HS3ST2: variants seen among roughly 807,000 people sequenced by gnomAD.
HS3ST2 encodes the protein heparan sulfate-glucosamine 3-sulfotransferase 2.
A neutral mutation model predicts 26.3 loss-of-function variants in HS3ST2; 17 were observed. The ratio of observed to expected loss-of-function variants is 0.65; its 90% CI spans 0.44 to 0.97. The LOEUF (loss-of-function observed/expected upper bound fraction) is 0.97, where lower values mean the gene tolerates loss of function less well. HS3ST2 is among the 50% of genes least tolerant of loss of function. HS3ST2 has a pLI of 0.00. For synonymous variants in HS3ST2, 237 were observed against 219.2 expected (o/e 1.08, Z -0.72); for missense variants, 402 against 501.2 (o/e 0.80, Z 1.89).
intron 1 of HS3ST2, among the ~76,000 whole-genome samples, chr16:22,832,151 C>A (rs75685050): frequency 8.7e-6 from 1 of 115,476 alleles, no homozygotes; most frequent in Non-Finnish European, 1.8e-5. Flanking sequence ...CCCAGCTGAT[C>A]TTTTTTTTTT....
At chr16:22,823,329 T>C (rs1376888067) in intron 1 of HS3ST2, among the ~76,000 whole-genome samples, 2 of 152,190 alleles carry the variant, frequency 1.3e-5, no homozygotes, top group East Asian at 3.8e-4. Context: ...GAGATGTTTC[T>C]CCTTGATGTA....
At chr16:22,816,641 G>T (rs557963364) in intron 1 of HS3ST2, among the ~76,000 whole-genome samples, 7 of 152,302 alleles carry the variant, frequency 4.6e-5, no homozygotes, top group African/African-American at 1.4e-4. Flanking sequence ...TCATGCCAAT[G>T]CCAATAGCCC....
At chr16:22,837,499 G>GTA (rs1555512081) in intron 1 of HS3ST2, among the ~76,000 whole-genome samples, 4 of 144,540 alleles carry the variant, frequency 2.8e-5, no homozygotes, top group Admixed American at 1.4e-4. Flanking sequence ...GTGTGTGTGT[G>GTA]TATATATATG....
At chr16:22,886,975 C>G (rs1902068878) in intron 1 of HS3ST2, among the ~76,000 whole-genome samples, 1 of 152,200 alleles carries the variant, frequency 6.6e-6, no homozygotes, top group Non-Finnish European at 1.5e-5. Flanking sequence ...CAGTCTCAAA[C>G]TCCTGACCTC....
intron 1 of HS3ST2, among the ~76,000 whole-genome samples, chr16:22,846,279 A>AC (rs1293987425): frequency 3.3e-5 from 5 of 151,970 alleles, no homozygotes; most frequent in Admixed American, 2.6e-4. Context: ...TCGATTTAAA[A>AC]AAAAAAAAAA....
chr16:22,888,374 TTTTTTTTTTTTTTTTTTTC>T (rs979465185), intron 1 of HS3ST2, among the ~76,000 whole-genome samples: 5 of 49,716 alleles, frequency 1.0e-4, no homozygotes, highest in Admixed American at 2.1e-4. Flanking sequence ...CTGGCTTTTC[TTTTTTTTTTTTTTTTTTTC>T]TTTTTTTTTT....
At chr16:22,901,707 G>A (rs998842979) in intron 1 of HS3ST2, among the ~76,000 whole-genome samples, 5 of 152,078 alleles carry the variant, frequency 3.3e-5, no homozygotes, top group African/African-American at 7.2e-5. Context: ...CAACACCCAC[G>A]ATCACCGTTC....
At chr16:22,886,690 G>A (rs1418646219) in intron 1 of HS3ST2, among the ~76,000 whole-genome samples, 1 of 152,042 alleles carries the variant, frequency 6.6e-6, no homozygotes, top group Non-Finnish European at 1.5e-5. Context: ...CCAAAAGGGA[G>A]ACATTTACTC....
intron 1 of HS3ST2, among the ~76,000 whole-genome samples, chr16:22,895,162 C>A (rs1261154408): frequency 6.6e-6 from 1 of 151,368 alleles, no homozygotes; most frequent in Non-Finnish European, 1.5e-5. Context: ...TGATCTCAGC[C>A]CACTGCAACC....
At chr16:22,834,726 A>G (rs564338077) in intron 1 of HS3ST2, among the ~76,000 whole-genome samples, 1 of 131,656 alleles carries the variant, frequency 7.6e-6, no homozygotes, top group Non-Finnish European at 1.7e-5. Flanking sequence ...CCCCACCCCT[A>G]TGGCAATAGA....
At chr16:22,842,325 A>C in intron 1 of HS3ST2, among the ~76,000 whole-genome samples, 1 of 151,874 alleles carries the variant, frequency 6.6e-6, no homozygotes, top group East Asian at 1.9e-4. Flanking sequence ...AGCCTCCCAA[A>C]GTGCTGGGAT....
At chr16:22,821,618 C>T (rs994888971) in intron 1 of HS3ST2, among the ~76,000 whole-genome samples, 3 of 152,084 alleles carry the variant, frequency 2.0e-5, no homozygotes, top group African/African-American at 7.2e-5. Context: ...CTCACTGTCT[C>T]TGCTGGAGCT....
intron 1 of HS3ST2, among the ~76,000 whole-genome samples, chr16:22,894,729 G>A (rs755894145): frequency 1.4e-5 from 2 of 147,810 alleles, no homozygotes; most frequent in African/African-American, 2.5e-5. Flanking sequence ...GTGAGACTCC[G>A]TCTCTTAAAA....
chr16:22,892,800 T>C (rs7193867), intron 1 of HS3ST2, among the ~76,000 whole-genome samples: 5,882 of 152,288 alleles, frequency 0.039, 155 homozygotes, highest in Middle Eastern at 0.082. Context: ...ATATGGGCTA[T>C]TACAATTCCA....
At position 22,894,148 on chromosome 16, in the gene HS3ST2, T is replaced by C. The variant is rs1902173351; in HGVS notation, c.486-20796T>C. Among the ~76,000 whole-genome samples the C allele has an allele frequency of 1.3e-5, 2 of 152,118 alleles. 1 individual carries two copies. The highest frequency in any genetic ancestry group is 4.1e-4 in the South Asian group (2 of 4,830). On this transcript the variant is annotated intron_variant, in intron 1 of 1. Transcript: ENST00000261374. ...GCTTTCCTTGTAATACATTGTGCTC[T>C]GGTAGATTGGACTCGACACTTTGAC...
At chr16:22,870,114 A>G (rs1901813795) in intron 1 of HS3ST2, among the ~76,000 whole-genome samples, 1 of 152,164 alleles carries the variant, frequency 6.6e-6, no homozygotes, top group Non-Finnish European at 1.5e-5. Context: ...CTAGGGTTAC[A>G]GAAAGTGGCC....
chr16:22,889,693 G>A (rs1026237316), intron 1 of HS3ST2, among the ~76,000 whole-genome samples: 2 of 152,078 alleles, frequency 1.3e-5, no homozygotes, highest in Admixed American at 1.3e-4. Flanking sequence ...TGAGACTTGG[G>A]GAGCTTAAGG....
chr16:22,819,610 T>C (rs957374874), intron 1 of HS3ST2, among the ~76,000 whole-genome samples: 5 of 152,212 alleles, frequency 3.3e-5, no homozygotes, highest in African/African-American at 1.2e-4. Flanking sequence ...TAATATGTGA[T>C]AATTGACTCT....
chr16:22,879,567 A>G (rs1417029937), intron 1 of HS3ST2, among the ~76,000 whole-genome samples: 3 of 152,112 alleles, frequency 2.0e-5, no homozygotes, highest in African/African-American at 7.2e-5. Context: ...AGTGCACGTG[A>G]CCCGAGTGAG....
Sources: gnomAD v4.1 joint callset for allele counts (sites outside exome capture counted in the v4.1 genomes callset) on GRCh38, gnomAD v4.1.1 for gene constraint, MANE v1.5 for transcripts, NCBI Gene and HGNC (gene_info 2026-07-23, HGNC 2026-07-21) for gene names.